CCL28: variants seen among roughly 807,000 people sequenced by gnomAD.
CCL28 encodes the protein C-C motif chemokine 28.
A neutral mutation model predicts 7.1 loss-of-function variants in CCL28; 4 were observed. The ratio of observed to expected loss-of-function variants is 0.56; its 90% confidence interval spans 0.28 to 1.29. CCL28 has a LOEUF of 1.29. CCL28 is among the 50% of genes most tolerant of loss of function. CCL28 has a pLI of 0.11. For missense variants in CCL28, 151 were observed against 163.4 expected (o/e 0.92, Z 0.41); for synonymous variants, 55 against 57.8 (o/e 0.95, Z 0.22).
chr5:43,411,412 A>G (rs1561171372), intron 1 of CCL28, among the ~76,000 whole-genome samples: 1 of 152,206 alleles, frequency 6.6e-6, no homozygotes, highest in East Asian at 1.9e-4. Flanking sequence ...CTCCAAATAC[A>G]TGCTAGCAAC....
chr5:43,370,738 CTCTCTCT>C, the CCL28 span, among the ~76,000 whole-genome samples: 20 of 92,826 alleles, frequency 2.2e-4, 1 homozygote, highest in African/African-American at 2.1e-4. Flanking sequence ...ATCTCTCTTT[CTCTCTCT>C]TTTTTTTTTT....
At chr5:43,385,235 A>G (rs892743539) in intron 2 of CCL28, among the ~76,000 whole-genome samples, 3 of 152,198 alleles carry the variant, frequency 2.0e-5, no homozygotes, top group Non-Finnish European at 4.4e-5. Context: ...GTTCAGAAAC[A>G]TTCAGAAGCT....
At chr5:43,384,307 TG>T (rs1740248261) in intron 2 of CCL28, among the ~76,000 whole-genome samples, 1 of 152,156 alleles carries the variant, frequency 6.6e-6, no homozygotes, top group Non-Finnish European at 1.5e-5. Flanking sequence ...AACTAGCATG[TG>T]GGCTTTTTCA....
At chr5:43,404,454 A>G (rs1055306664) in intron 1 of CCL28, among the ~76,000 whole-genome samples, 27 of 152,182 alleles carry the variant, frequency 1.8e-4, no homozygotes, top group African/African-American at 6.5e-4. Context: ...AGACAAGCAA[A>G]TGCTGAGAGA....
chr5:43,377,976 C>T (rs1250052339), downstream of CCL28, among the ~76,000 whole-genome samples: 1 of 132,922 alleles, frequency 7.5e-6, no homozygotes, highest in Non-Finnish European at 1.5e-5. Flanking sequence ...TCGTGATCCG[C>T]CCGCCTCGGC....
At chr5:43,358,149 G>A in the CCL28 span, among the ~76,000 whole-genome samples, 21 of 152,310 alleles carry the variant, frequency 1.4e-4, no homozygotes, top group East Asian at 1.9e-3. Context: ...CTTCCACAGC[G>A]TGGCTGAGGC....
chr5:43,402,950 G>A (rs1299238823), intron 1 of CCL28, among the ~76,000 whole-genome samples: 1 of 152,248 alleles, frequency 6.6e-6, no homozygotes, highest in African/African-American at 2.4e-5. Flanking sequence ...CAAGGCGGCA[G>A]TGAGGCTGGG....
intron 1 of CCL28, chr5:43,397,222 G>A (rs1740848377): frequency 6.6e-6 from 1 of 152,312 alleles, no homozygotes; most frequent in African/African-American, 2.4e-5. Flanking sequence ...GGACCCGGGG[G>A]AGCCGGCTGG....
intron 1 of CCL28, among the ~76,000 whole-genome samples, chr5:43,406,671 G>A (rs1440636544): frequency 6.6e-6 from 1 of 151,242 alleles, no homozygotes; most frequent in Non-Finnish European, 1.5e-5. Context: ...AGAAAGAAAG[G>A]ATATTCAATT....
At chr5:43,358,657 G>A in the CCL28 span, among the ~76,000 whole-genome samples, 93,575 of 152,138 alleles carry the variant, frequency 0.62, 30,647 homozygotes, top group African/African-American at 0.84. Context: ...TCACCAAAAC[G>A]GAGGTAATAG....
At position 43,379,442 on chromosome 5, in the gene CCL28, G is replaced by C. The variant is rs565985088; in HGVS notation, c.*2418C>G. ...TCTCTGCCACTTCCTGTGTGACCTG[G>C]GCAAGTCATTTTACCTCTAAGAGCC... On this transcript the variant is annotated 3_prime_UTR_variant, in exon 3 of 3. Transcript: ENST00000361115. The C allele has an allele frequency of 1.3e-5, 2 of 151,810 alleles. No individual in the cohort carries two copies. The highest frequency in any genetic ancestry group is 1.5e-5 in the Non-Finnish European group (1 of 67,960). 9.4% of individuals were successfully genotyped at this position (151,810 alleles called of 1,614,324 possible).
intron 1 of CCL28, among the ~76,000 whole-genome samples, chr5:43,405,498 T>G (rs906903837): frequency 2.6e-5 from 4 of 152,192 alleles, no homozygotes; most frequent in Non-Finnish European, 5.9e-5. Flanking sequence ...TTTTAAGCAG[T>G]GTGTAGGGGG....
At chr5:43,409,107 A>G (rs963181026) in intron 1 of CCL28, among the ~76,000 whole-genome samples, 1 of 152,082 alleles carries the variant, frequency 6.6e-6, no homozygotes, top group African/African-American at 2.4e-5. Flanking sequence ...GTGAGACTCT[A>G]TCTCTACAAG....
In CCL28 at chr5:43,392,177, C is replaced by T. The variant is rs1452317571; in HGVS notation, c.65-3701G>A. Among the ~76,000 whole-genome samples the T allele has an allele frequency of 2.6e-5, 4 of 152,096 alleles. No homozygotes were observed. In the East Asian group the frequency reaches 5.8e-4, roughly 22 times the overall value. The stretch of plus-strand genomic sequence containing the variant: ...TGTCACCAAGGCTGGAGTGCAGTGG[C>T]GCGATCTCGGCTCATTGCAACCTCC... On this transcript the variant is annotated intron_variant, in intron 1 of 2. Transcript: ENST00000361115.
At chr5:43,373,081 G>A (rs1441693659), downstream of CCL28, among the ~76,000 whole-genome samples, 2 of 152,076 alleles carry the variant, frequency 1.3e-5, no homozygotes, top group Non-Finnish European at 2.9e-5. Flanking sequence ...GATTACAGGC[G>A]TGAGCTACCA....
At chr5:43,357,800 T>C in the CCL28 span, among the ~76,000 whole-genome samples, 1 of 152,156 alleles carries the variant, frequency 6.6e-6, no homozygotes, top group African/African-American at 2.4e-5. Context: ...AAATAACTGA[T>C]GTGACTGCAA....
intron 1 of CCL28, among the ~76,000 whole-genome samples, chr5:43,409,898 C>T (rs192894070): frequency 2.0e-5 from 3 of 152,154 alleles, no homozygotes; most frequent in East Asian, 1.9e-4. Flanking sequence ...CCAGCAGCCA[C>T]GTCAGCAGAG....
chr5:43,410,639 C>A (rs1465899885), intron 1 of CCL28, among the ~76,000 whole-genome samples: 1 of 152,198 alleles, frequency 6.6e-6, no homozygotes, highest in African/African-American at 2.4e-5. Context: ...CCTCCTCGAC[C>A]TGCTGTTCCC....
Position 43,381,984 on chromosome 5 carries a change from A to G in CCL28, c.260T>C (p.Val87Ala). Residue 87 changes from valine to alanine, a missense_variant, in exon 3 of 3, where the codon GTG becomes GCG. Transcript: ENST00000361115. ...TTTACCATTTTTCTTGGCAGCTTGC[A>G]CTTTCATCCACTGCTTAACAGTATG... is the stretch of plus-strand genomic sequence containing the variant. ...HNHTVKQWMK[V>A]QAAKKNGKGN... 6.2e-7 allele frequency: 1 copy of G among 1,614,164 alleles called. No homozygotes were observed. The highest frequency in any genetic ancestry group is 8.5e-7 in the Non-Finnish European group (1 of 1,180,024).
Sources: allele counts gnomAD v4.1 joint callset (sites outside exome capture counted in the v4.1 genomes callset), GRCh38; gene constraint gnomAD v4.1.1; transcripts MANE v1.5; gene names NCBI Gene and HGNC (gene_info 2026-07-23, HGNC 2026-07-21).